The following CDH4 variants were observed in gnomAD, a reference collection of about 807,000 sequenced individuals.
CDH4 encodes cadherin-4.
A neutral mutation model predicts 86.0 loss-of-function variants in CDH4; 33 were observed. The observed-to-expected ratio is 0.38, with a 90% CI of 0.29 to 0.51. The LOEUF is 0.51. Ranked by LOEUF, CDH4 falls within the 20% of genes least tolerant of loss-of-function variation. CDH4 has a pLI of 0.86. For synonymous variants in CDH4, 555 were observed against 549.4 expected, an observed-to-expected ratio of 1.01 and a Z score of -0.14; for missense variants, 1,114 against 1,307.4, an observed-to-expected ratio of 0.85 and a Z score of 2.28.
intron 2 of CDH4, among the ~76,000 whole-genome samples, chr20:61,328,039 TACA>T (rs2084545881): frequency 1.3e-5 from 2 of 152,234 alleles, no homozygotes; most frequent in Admixed American, 1.3e-4. Context: ...TATGTGTTTG[TACA>T]ACATTTTTAG....
chr20:61,879,870 G>A lies in CDH4; in HGVS notation c.1050+5970G>A, dbSNP rs1984204825. The stretch of plus-strand genomic sequence containing the variant: ...GATTTTGTTATTAGAAACTGAATCC[G>A]GCCTTCCGGTCCTATCACAAGAGGA... On this transcript the variant is annotated intron_variant, in intron 7 of 15. Coordinates refer to ENST00000614565, the MANE Select transcript of CDH4 (RefSeq NM_001794.5). The surrounding 1 kb of genome is among the most constrained non-coding windows in gnomAD (Gnocchi z 4.1). Among the ~76,000 whole-genome samples the A allele has an allele frequency of 6.6e-6, 1 of 152,062 alleles. No individual in the cohort carries two copies. Among genetic ancestry groups the A allele is most frequent in the Non-Finnish European group, 1.5e-5 (1 of 68,016 alleles).
chr20:61,728,994 G>A (rs1054133582), intron 2 of CDH4, among the ~76,000 whole-genome samples: 1 of 152,182 alleles, frequency 6.6e-6, no homozygotes, highest in Non-Finnish European at 1.5e-5. Flanking sequence ...ACTCAGGGCA[G>A]CAGCGGTGCC....
At chr20:61,482,435 G>A (rs1217164325) in intron 2 of CDH4, among the ~76,000 whole-genome samples, 1 of 152,204 alleles carries the variant, frequency 6.6e-6, no homozygotes, top group Non-Finnish European at 1.5e-5. Context: ...GGGTGAGGTC[G>A]CTGTTTTCTC....
intron 3 of CDH4, among the ~76,000 whole-genome samples, chr20:61,771,652 G>A (rs1012049917): frequency 2.0e-5 from 3 of 150,680 alleles, no homozygotes; most frequent in Non-Finnish European, 2.9e-5. Flanking sequence ...AAAAATGCAG[G>A]TGCAGTTGAT....
chr20:61,373,897 C>T (rs1472566959), intron 2 of CDH4, among the ~76,000 whole-genome samples: 2 of 152,168 alleles, frequency 1.3e-5, no homozygotes, highest in African/African-American at 2.4e-5. Flanking sequence ...GACTCAGTCA[C>T]ATTAAACATA....
At chr20:61,301,608 G>A (rs1362750498) in intron 2 of CDH4, among the ~76,000 whole-genome samples, 2 of 152,120 alleles carry the variant, frequency 1.3e-5, no homozygotes, top group African/African-American at 2.4e-5. Flanking sequence ...TAAAGGCCCC[G>A]ACTTTTCTTC....
chr20:61,588,567 G>A (rs900677907), intron 2 of CDH4, among the ~76,000 whole-genome samples: 3 of 152,196 alleles, frequency 2.0e-5, no homozygotes, highest in Non-Finnish European at 2.9e-5. Context: ...GAGGGGAAAC[G>A]TAGTCATGCT....
At chr20:61,383,087 G>T (rs2084913826) in intron 2 of CDH4, among the ~76,000 whole-genome samples, 3 of 112,372 alleles carry the variant, frequency 2.7e-5, no homozygotes, top group Non-Finnish European at 5.1e-5. Context: ...ATATATATAT[G>T]AATATATATA....
chr20:61,296,617 A>G (rs1333480231), intron 2 of CDH4, among the ~76,000 whole-genome samples: 1 of 152,082 alleles, frequency 6.6e-6, no homozygotes, highest in Admixed American at 6.6e-5. Flanking sequence ...TTATCGATAC[A>G]ATTAGAATAG....
At chr20:61,341,351 G>A (rs2084648206) in intron 2 of CDH4, among the ~76,000 whole-genome samples, 1 of 152,092 alleles carries the variant, frequency 6.6e-6, no homozygotes, top group South Asian at 2.1e-4. Context: ...TTAAACTTTG[G>A]CTTCAGCTAT....
chr20:61,767,144 C>T (rs2088709449), intron 3 of CDH4, among the ~76,000 whole-genome samples: 1 of 152,122 alleles, frequency 6.6e-6, no homozygotes, highest in Admixed American at 6.5e-5. Context: ...CCGTGCAGGA[C>T]TCAGGAAGGT....
At chr20:61,274,512 G>A (rs1296959079) in intron 2 of CDH4, among the ~76,000 whole-genome samples, 2 of 145,354 alleles carry the variant, frequency 1.4e-5, no homozygotes, top group Admixed American at 1.4e-4. Flanking sequence ...GGGAGTATTG[G>A]GGAAGTACCA....
At chr20:61,304,269 C>CCG (rs1555835202) in intron 2 of CDH4, among the ~76,000 whole-genome samples, 2 of 151,662 alleles carry the variant, frequency 1.3e-5, no homozygotes, top group Non-Finnish European at 2.9e-5. Flanking sequence ...CGGCACCCCC[C>CCG]CAACCCCCCG....
intron 4 of CDH4, among the ~76,000 whole-genome samples, chr20:61,808,327 C>G (rs1980246971): frequency 6.6e-6 from 1 of 151,862 alleles, no homozygotes; most frequent in Admixed American, 6.6e-5. Context: ...TCAAATGTAG[C>G]AACACCAGCT....
intron 2 of CDH4, among the ~76,000 whole-genome samples, chr20:61,367,024 A>G (rs916233922): frequency 6.6e-6 from 1 of 152,118 alleles, no homozygotes; most frequent in Non-Finnish European, 1.5e-5. Flanking sequence ...AGCGGGGCCC[A>G]TCGACCCCAC....
At chr20:61,874,297 G>C (rs1030770733) in intron 7 of CDH4, among the ~76,000 whole-genome samples, 4 of 152,092 alleles carry the variant, frequency 2.6e-5, no homozygotes, top group African/African-American at 9.7e-5. Flanking sequence ...CACCTCCAAG[G>C]AGACCCACCC....
chr20:61,381,735 CA>C (rs1892774121), intron 2 of CDH4, among the ~76,000 whole-genome samples: 1 of 152,116 alleles, frequency 6.6e-6, no homozygotes, highest in South Asian at 2.1e-4. Flanking sequence ...AATCTACTAC[CA>C]GAGAAACACT....
chr20:61,897,657 T>A (rs1348983500), intron 8 of CDH4, among the ~76,000 whole-genome samples: 2 of 152,200 alleles, frequency 1.3e-5, no homozygotes, highest in East Asian at 3.9e-4. Context: ...CTCCTGGGAC[T>A]GGGGCAGAGG....
At chr20:61,773,321 AG>A (rs1399336255) in intron 4 of CDH4, 139 bp downstream of exon 4, 41 of 787,162 alleles carry the variant, frequency 5.2e-5, no homozygotes, top group Non-Finnish European at 7.0e-5. Flanking sequence ...TAATGAGATA[AG>A]CCTTACACAG....
Sources: gnomAD v4.1 joint callset for allele counts (sites outside exome capture counted in the v4.1 genomes callset) on GRCh38, gnomAD v4.1.1 for gene constraint, Gnocchi (gnomAD v3.1) non-coding constraint, MANE v1.5 for transcripts, NCBI Gene and HGNC (gene_info 2026-07-23, HGNC 2026-07-21) for gene names.